Variants in GLMN observed in about 807,000 individuals in gnomAD.
GLMN encodes the protein glomulin.
A neutral mutation model predicts 87.8 loss-of-function variants in GLMN; 75 were observed. The ratio of observed to expected loss-of-function variants is 0.85; its 90% CI spans 0.71 to 1.04. The LOEUF is 1.04. Ranked by LOEUF, GLMN falls within the 50% of genes least tolerant of loss-of-function variation. GLMN has a pLI of 0.00. For missense variants in GLMN, 588 were observed against 658.8 expected (o/e 0.89, Z 1.18); for synonymous variants, 206 against 221.6 (o/e 0.93, Z 0.63).
chr1:92,368,607 G>A, the GLMN span, among the ~76,000 whole-genome samples: 1 of 152,136 alleles, frequency 6.6e-6, no homozygotes, highest in Non-Finnish European at 1.5e-5. Flanking sequence ...TGGATAGAAG[G>A]TTTTAATAAA....
chr1:92,272,401 T>A (rs1222414448), intron 7 of GLMN, among the ~76,000 whole-genome samples: 1 of 152,232 alleles, frequency 6.6e-6, no homozygotes, highest in African/African-American at 2.4e-5. Flanking sequence ...AGCAAAATCG[T>A]ATTTTACATA....
At chr1:92,315,454 G>A in the GLMN span, among the ~76,000 whole-genome samples, 1 of 152,134 alleles carries the variant, frequency 6.6e-6, no homozygotes, top group Non-Finnish European at 1.5e-5. Context: ...TGGAAAAATG[G>A]TGCTGACAGA....
chr1:92,317,505 C>CA, the GLMN span, among the ~76,000 whole-genome samples: 4 of 150,408 alleles, frequency 2.7e-5, no homozygotes, highest in Non-Finnish European at 5.9e-5. Context: ...GACTCTGTCT[C>CA]AAAAAAAATA....
chr1:92,336,040 T>G, the GLMN span, among the ~76,000 whole-genome samples: 12 of 152,202 alleles, frequency 7.9e-5, no homozygotes, highest in Non-Finnish European at 4.4e-5. Context: ...TTGTGTTCTT[T>G]CCATCTTGGT....
At chr1:92,301,363 A>T, upstream of GLMN, 2 of 407,608 alleles carry the variant, frequency 4.9e-6, no homozygotes, top group Non-Finnish European at 4.3e-6. Context: ...AATTTTTTAA[A>T]TATATTTAAA....
intron 7 of GLMN, among the ~76,000 whole-genome samples, chr1:92,277,511 C>T (rs943874420): frequency 1.3e-5 from 2 of 152,156 alleles, no homozygotes; most frequent in Non-Finnish European, 2.9e-5. Context: ...CCAAGGGAAC[C>T]AACCCTGTGA....
intron 7 of GLMN, among the ~76,000 whole-genome samples, chr1:92,276,815 AAGG>A (rs1647353220): frequency 6.6e-6 from 1 of 152,212 alleles, no homozygotes; most frequent in Non-Finnish European, 1.5e-5. Flanking sequence ...ACAGCAAGAA[AAGG>A]AGGAGGACAG....
chr1:92,299,163 C>T, upstream of GLMN: 2 of 1,471,392 alleles, frequency 1.4e-6, no homozygotes, highest in Non-Finnish European at 1.8e-6. Context: ...GCAAGGATCT[C>T]TTCCCACTTT....
At chr1:92,320,452 T>C in the GLMN span, 9 of 545,680 alleles carry the variant, frequency 1.6e-5, no homozygotes, top group East Asian at 2.6e-4. Context: ...TTTGTATTTT[T>C]AGTAGAGATG....
At chr1:92,261,765 G>T (rs891592122) in intron 16 of GLMN, among the ~76,000 whole-genome samples, 2 of 151,224 alleles carry the variant, frequency 1.3e-5, no homozygotes, top group African/African-American at 2.4e-5. Flanking sequence ...GAAATATTTC[G>T]GAGAAAGTAT....
Position 92,248,310 on chromosome 1 carries a change from C to A in GLMN, c.1474-321G>T, listed in dbSNP as rs1652964723. 6 of 243,592 alleles carry A rather than the reference C, an allele frequency of 2.5e-5. No individual in the cohort carries two copies. In the South Asian group the frequency reaches 3.1e-4, roughly 13 times the overall value. 15.1% of individuals were successfully genotyped at this position (243,592 alleles called of 1,614,324 possible). A position where few individuals can be genotyped will look rare whatever the true frequency, so the allele number is the denominator to read the frequency against. The stretch of plus-strand genomic sequence containing the variant: ...TCTCTTCCTCTATGAGCCATCTCCA[C>A]AATGACTCTACCTTATTTATGCCTT... On this transcript the variant is annotated intron_variant, in intron 16 of 18. Coordinates refer to ENST00000370360, the MANE Select transcript of GLMN (RefSeq NM_053274.3).
rs757014686 is a variant in GLMN at position 92,288,036 on chromosome 1, GTT to G, written c.632+876_632+877del. ...AATATAAAAATTGAGGTATTTTACT[GTT>G]TTTTTTTTTTAAATAACAAGTCTTC... On this transcript the variant is annotated intron_variant, in intron 6 of 18. Transcript: ENST00000370360. Among the ~76,000 whole-genome samples the G allele has an allele frequency of 1.9e-3, 273 of 143,348 alleles. 4 individuals are homozygous for G. Among genetic ancestry groups the G allele is most frequent in the African/African-American group, 6.5e-3 (250 of 38,586 alleles). 94.0% of individuals were successfully genotyped at this position (143,348 alleles called of 152,430 possible). A position where few individuals can be genotyped will look rare whatever the true frequency, so the allele number is the denominator to read the frequency against.
At chr1:92,273,147 TAA>T (rs1172126387) in intron 7 of GLMN, among the ~76,000 whole-genome samples, 1 of 152,168 alleles carries the variant, frequency 6.6e-6, no homozygotes, top group Admixed American at 6.5e-5. Flanking sequence ...AAGCCAAGTA[TAA>T]GTCTTTTCCA....
chr1:92,281,503 T>C (rs1648046744), intron 7 of GLMN, among the ~76,000 whole-genome samples: 1 of 152,138 alleles, frequency 6.6e-6, no homozygotes, highest in African/African-American at 2.4e-5. Context: ...CGGTACCAGC[T>C]ACTGCAAAAA....
Position 92,285,341 on chromosome 1 carries a change from A to G in GLMN, c.735+1149T>C, listed in dbSNP as rs577820601. Among the ~76,000 whole-genome samples, 6 of 152,320 alleles carry G rather than the reference A, an allele frequency of 3.9e-5. No individual in the cohort carries two copies. In the East Asian group the frequency reaches 1.2e-3, roughly 29 times the overall value. ...GACATGGATGAAGCTGGAAACCACC[A>G]TTCTAAGCAAACTATCACAAGAACA... On this transcript the variant is annotated intron_variant, in intron 7 of 18. Transcript: ENST00000370360.
chr1:92,324,145 G>C, the GLMN span: 3 of 1,614,014 alleles, frequency 1.9e-6, no homozygotes, highest in Non-Finnish European at 2.5e-6. Context: ...AGAACTTGAT[G>C]AAGATGACAT....
the GLMN span, among the ~76,000 whole-genome samples, chr1:92,310,151 A>C: frequency 1.3e-5 from 2 of 152,248 alleles, no homozygotes; most frequent in Non-Finnish European, 2.9e-5. Context: ...GCATAACTGT[A>C]GCCCTTAATT....
At chr1:92,362,230 CT>C in the GLMN span, among the ~76,000 whole-genome samples, 1 of 152,156 alleles carries the variant, frequency 6.6e-6, no homozygotes, top group Non-Finnish European at 1.5e-5. Context: ...TTGTTAAACA[CT>C]TCCATTTAGA....
intron 16 of GLMN, among the ~76,000 whole-genome samples, chr1:92,249,669 A>G (rs1653188402): frequency 6.6e-6 from 1 of 152,128 alleles, no homozygotes; most frequent in South Asian, 2.1e-4. Context: ...ATTGAAATAT[A>G]CAATATATTG....
Sources: allele counts gnomAD v4.1 joint callset (sites outside exome capture counted in the v4.1 genomes callset), GRCh38; gene constraint gnomAD v4.1.1; transcripts MANE v1.5; gene names NCBI Gene and HGNC (gene_info 2026-07-23, HGNC 2026-07-21).